The following RBFOX1 variants were observed in gnomAD, a reference collection of about 807,000 sequenced individuals.
RBFOX1 encodes RNA binding fox-1 homolog 1.
Under a neutral mutation model 57.7 loss-of-function variants are expected in RBFOX1, and 8 were observed. The observed-to-expected ratio is 0.14, with a 90% CI of 0.08 to 0.25. The LOEUF is 0.25. Ranked by LOEUF, RBFOX1 falls within the 10% of genes least tolerant of loss-of-function variation. The probability of loss-of-function intolerance (pLI) is 1.00; values close to 1 mark genes in which losing one functional copy is unlikely to be tolerated. For missense variants in RBFOX1, 611 were observed against 548.5 expected, an observed-to-expected ratio of 1.11 and a Z score of -1.14; for synonymous variants, 326 against 222.4, an observed-to-expected ratio of 1.47 and a Z score of -4.15.
chr16:7,245,691 A>G (rs367884947), intron 4 of RBFOX1, among the ~76,000 whole-genome samples: 23 of 152,222 alleles, frequency 1.5e-4, no homozygotes, highest in African/African-American at 5.1e-4. Context: ...TTGTTGAAAG[A>G]TGTTTGCCTG....
At chr16:7,280,973 CTCCCTCCCTCCCTCCCTCCTTCCT>C (rs2095530852) in intron 4 of RBFOX1, among the ~76,000 whole-genome samples, 1 of 111,722 alleles carries the variant, frequency 9.0e-6, no homozygotes, top group Non-Finnish European at 1.8e-5. Flanking sequence ...CCCTCCCTCC[CTCCCTCCCTCCCTCCCTCCTTCCT>C]TCCTTCCTTC....
Position 6,938,623 on chromosome 16 carries a change from T to C in RBFOX1, c.-15-113434T>C, listed in dbSNP as rs371112787. On this transcript the variant is annotated intron_variant, in intron 3 of 15. Transcript: ENST00000550418. ...GTGTGGTGGATTTAGTTGGACTGTT[T>C]ATAGGAGGACAATCTAGGTTAAAGG... is the stretch of plus-strand genomic sequence containing the variant. Among the ~76,000 whole-genome samples, 66 of 152,314 alleles carry C rather than the reference T, an allele frequency of 4.3e-4. 3 individuals are homozygous for C. The highest frequency in any genetic ancestry group is 2.1e-3 in the Admixed American group (32 of 15,284).
chr16:5,857,944 C>G (rs9931760), intron 3 of RBFOX1, among the ~76,000 whole-genome samples: 1 of 151,874 alleles, frequency 6.6e-6, no homozygotes, highest in African/African-American at 2.4e-5. Context: ...GAGACCCTGT[C>G]TCAAAAAATA....
At chr16:6,082,281 A>G (rs2096013635) in intron 1 of RBFOX1, among the ~76,000 whole-genome samples, 1 of 144,078 alleles carries the variant, frequency 6.9e-6, no homozygotes, top group Non-Finnish European at 1.5e-5. Flanking sequence ...CCCAGATTCA[A>G]GCGATTCTCC....
intron 2 of RBFOX1, among the ~76,000 whole-genome samples, chr16:6,439,052 G>C (rs1247577855): frequency 6.6e-6 from 1 of 152,128 alleles, no homozygotes; most frequent in Non-Finnish European, 1.5e-5. Flanking sequence ...ACTGACCCCA[G>C]TTGAAAATCA....
chr16:5,780,419 TTTA>T (rs1396955484), intron 3 of RBFOX1, among the ~76,000 whole-genome samples: 20 of 152,246 alleles, frequency 1.3e-4, no homozygotes, highest in Admixed American at 1.3e-3. Flanking sequence ...GTATCCAACA[TTTA>T]TTATGTGGTT....
intron 1 of RBFOX1, among the ~76,000 whole-genome samples, chr16:5,290,976 A>T (rs1412821337): frequency 2.6e-5 from 4 of 152,218 alleles, no homozygotes; most frequent in Non-Finnish European, 5.9e-5. Flanking sequence ...CTGGGATTAC[A>T]GGCGTGAGCC....
At chr16:6,252,831 T>C (rs1372685127) in intron 1 of RBFOX1, among the ~76,000 whole-genome samples, 6 of 152,198 alleles carry the variant, frequency 3.9e-5, no homozygotes, top group African/African-American at 1.4e-4. Context: ...TCTGAACATG[T>C]TGCTGTTCGA....
intron 2 of RBFOX1, among the ~76,000 whole-genome samples, chr16:6,357,619 C>T (rs1486912591): frequency 1.4e-4 from 21 of 152,024 alleles, no homozygotes; most frequent in Admixed American, 1.4e-3. Flanking sequence ...TGTGCTCTCT[C>T]TCTCTCTGTC....
At chr16:6,818,703 T>A (rs2090659181) in intron 3 of RBFOX1, among the ~76,000 whole-genome samples, 1 of 152,150 alleles carries the variant, frequency 6.6e-6, no homozygotes, top group African/African-American at 2.4e-5. Context: ...AGAGAAGTCC[T>A]CTCTTCCACC....
intron 1 of RBFOX1, among the ~76,000 whole-genome samples, chr16:6,225,313 A>T (rs1452941597): frequency 6.6e-6 from 1 of 152,140 alleles, no homozygotes; most frequent in Non-Finnish European, 1.5e-5. Flanking sequence ...GCAGGAAAGC[A>T]TTGCTATAAC....
intron 1 of RBFOX1, among the ~76,000 whole-genome samples, chr16:6,064,182 C>G (rs1272519535): frequency 6.6e-6 from 1 of 152,116 alleles, no homozygotes; most frequent in Non-Finnish European, 1.5e-5. Context: ...AGAGCCTATT[C>G]TTGCATTATG....
chr16:7,245,077 A>G (rs1281578764), intron 4 of RBFOX1, among the ~76,000 whole-genome samples: 1 of 152,172 alleles, frequency 6.6e-6, no homozygotes, highest in Non-Finnish European at 1.5e-5. Flanking sequence ...GAGAGTCTGA[A>G]AAGTCTTATT....
intron 4 of RBFOX1, among the ~76,000 whole-genome samples, chr16:7,214,504 G>A (rs2091702437): frequency 6.6e-6 from 1 of 151,768 alleles, no homozygotes; most frequent in Non-Finnish European, 1.5e-5. Context: ...TCATCTCTCT[G>A]GTCCAAACCT....
chr16:7,360,684 A>T (rs1280871746), intron 4 of RBFOX1, among the ~76,000 whole-genome samples: 4 of 152,174 alleles, frequency 2.6e-5, no homozygotes, highest in Non-Finnish European at 4.4e-5. Flanking sequence ...TGTCCCTGGG[A>T]TCTGTTGTAA....
intron 3 of RBFOX1, among the ~76,000 whole-genome samples, chr16:6,824,540 C>T (rs192028522): frequency 6.6e-6 from 1 of 151,932 alleles, no homozygotes; most frequent in East Asian, 1.9e-4. Context: ...GAGTATATCT[C>T]CTATTTTTCT....
intron 5 of RBFOX1, among the ~76,000 whole-genome samples, chr16:7,549,906 A>G (rs572334312): frequency 6.6e-6 from 1 of 152,110 alleles, no homozygotes; most frequent in East Asian, 1.9e-4. Flanking sequence ...AATATTAACC[A>G]TCATCATATC....
At chr16:5,617,984 T>G (rs1281984467) in intron 3 of RBFOX1, among the ~76,000 whole-genome samples, 2 of 152,164 alleles carry the variant, frequency 1.3e-5, no homozygotes, top group East Asian at 3.9e-4. Flanking sequence ...ACCCAGGAAA[T>G]GGTTGGCAAT....
intron 1 of RBFOX1, among the ~76,000 whole-genome samples, chr16:5,240,778 C>G (rs534265159): frequency 5.6e-4 from 85 of 152,310 alleles, no homozygotes; most frequent in African/African-American, 1.9e-3. Flanking sequence ...CCCTGAGTGA[C>G]CGGGCCCGTG....
Sources: gnomAD v4.1 joint callset for allele counts (sites outside exome capture counted in the v4.1 genomes callset) on GRCh38, gnomAD v4.1.1 for gene constraint, MANE v1.5 for transcripts, NCBI Gene and HGNC (gene_info 2026-07-23, HGNC 2026-07-21) for gene names.